The following DSCAM variants were observed in gnomAD, a reference collection of about 807,000 sequenced individuals.
DSCAM encodes cell adhesion molecule DSCAM.
A neutral mutation model predicts 217.7 loss-of-function variants in DSCAM; 47 were observed. The observed-to-expected ratio is 0.22, with a 90% CI of 0.17 to 0.28. The LOEUF (loss-of-function observed/expected upper bound fraction) is 0.28. Ranked by LOEUF, DSCAM falls within the 10% of genes least tolerant of loss-of-function variation. DSCAM has a pLI of 1.00. For synonymous variants in DSCAM, 1,056 were observed against 1,015.3 expected (o/e 1.04, Z -0.76); for missense variants, 2,080 against 2,618.3 (o/e 0.79, Z 4.49).
At chr21:40,073,030 A>G (rs1438724124) in intron 27 of DSCAM, among the ~76,000 whole-genome samples, 1 of 152,210 alleles carries the variant, frequency 6.6e-6, no homozygotes, top group Admixed American at 6.5e-5. Flanking sequence ...TTAAATTACA[A>G]GGAACTACTA....
At chr21:40,623,857 C>A (rs1480855682) in intron 3 of DSCAM, among the ~76,000 whole-genome samples, 1 of 152,192 alleles carries the variant, frequency 6.6e-6, no homozygotes, top group Non-Finnish European at 1.5e-5. Flanking sequence ...TCACTGGGAA[C>A]TGGATGCTGT....
intron 1 of DSCAM, among the ~76,000 whole-genome samples, chr21:40,733,056 C>T (rs1302209137): frequency 6.6e-6 from 1 of 152,218 alleles, no homozygotes; most frequent in East Asian, 1.9e-4. Flanking sequence ...TCATTACCTT[C>T]CTGACCTATA....
At chr21:40,801,886 AG>A (rs897974425) in intron 1 of DSCAM, among the ~76,000 whole-genome samples, 3 of 151,688 alleles carry the variant, frequency 2.0e-5, no homozygotes, top group African/African-American at 4.9e-5. Flanking sequence ...GACTTGTCAC[AG>A]GGGGGGTTGC....
At chr21:40,341,871 TTATG>T (rs992132022) in intron 6 of DSCAM, among the ~76,000 whole-genome samples, 3 of 151,000 alleles carry the variant, frequency 2.0e-5, no homozygotes, top group African/African-American at 7.2e-5. Flanking sequence ...CACCCATTAT[TTATG>T]TTTCATGTCA....
chr21:40,691,224 T>C (rs1334866228), intron 3 of DSCAM, among the ~76,000 whole-genome samples: 2 of 152,186 alleles, frequency 1.3e-5, no homozygotes, highest in Non-Finnish European at 2.9e-5. Context: ...TGAACAGAGA[T>C]AACATGTGTC....
intron 2 of DSCAM, among the ~76,000 whole-genome samples, chr21:40,694,868 T>C (rs1214786491): frequency 1.3e-5 from 2 of 151,844 alleles, no homozygotes; most frequent in Non-Finnish European, 2.9e-5. Flanking sequence ...AAAAAGACTA[T>C]GAAGATATAG....
chr21:40,497,010 G>A (rs2076123966), intron 3 of DSCAM, among the ~76,000 whole-genome samples: 1 of 152,124 alleles, frequency 6.6e-6, no homozygotes, highest in African/African-American at 2.4e-5. Context: ...GTGAGGATGT[G>A]TATCAAAGAG....
At chr21:40,322,808 A>C (rs772291281) in intron 8 of DSCAM, among the ~76,000 whole-genome samples, 3 of 152,212 alleles carry the variant, frequency 2.0e-5, no homozygotes, top group Non-Finnish European at 4.4e-5. Flanking sequence ...TACAGGCGTG[A>C]GCCACCACGC....
intron 3 of DSCAM, among the ~76,000 whole-genome samples, chr21:40,638,171 G>C (rs763153869): frequency 1.2e-4 from 18 of 152,242 alleles, no homozygotes; most frequent in Middle Eastern, 3.4e-3. Context: ...TCTTTGATTT[G>C]TAATAAACAG....
chr21:40,084,595 C>G (rs1273225543), intron 23 of DSCAM, among the ~76,000 whole-genome samples: 1 of 149,776 alleles, frequency 6.7e-6, no homozygotes, highest in Non-Finnish European at 1.5e-5. Flanking sequence ...AGAATATGAA[C>G]TGGTCTCTCT....
intron 1 of DSCAM, among the ~76,000 whole-genome samples, chr21:40,757,013 A>ATTTTAT (rs1004339574): frequency 6.7e-6 from 1 of 150,170 alleles, no homozygotes; most frequent in Non-Finnish European, 1.5e-5. Context: ...ATGTGTGTGT[A>ATTTTAT]TTTTATTTTT....
At chr21:40,469,852 G>A (rs2075873914) in intron 3 of DSCAM, among the ~76,000 whole-genome samples, 1 of 152,156 alleles carries the variant, frequency 6.6e-6, no homozygotes, top group South Asian at 2.1e-4. Context: ...AAAATTATTT[G>A]CATGTAGTGT....
At chr21:40,484,117 C>T (rs528572756) in intron 3 of DSCAM, among the ~76,000 whole-genome samples, 304 of 152,216 alleles carry the variant, frequency 2.0e-3, no homozygotes, top group Non-Finnish European at 3.0e-3. Context: ...ATCTAATCTT[C>T]AGCAGGTTCC....
chr21:40,176,164 C>A (rs1048106902), intron 15 of DSCAM, among the ~76,000 whole-genome samples: 2 of 152,050 alleles, frequency 1.3e-5, no homozygotes, highest in Non-Finnish European at 2.9e-5. Context: ...TTGAACTTGA[C>A]TTTTCAAGGA....
chr21:40,137,172 C>G (rs1356961029), intron 18 of DSCAM, among the ~76,000 whole-genome samples: 1 of 98,364 alleles, frequency 1.0e-5, no homozygotes, highest in Non-Finnish European at 1.9e-5. Context: ...GAGACTCTGT[C>G]TCAAGGAAAA....
rs1555911087 is a variant in DSCAM at position 40,376,547 on chromosome 21, T to TATATAGATATCTATATATCTTATATAG, written c.509-7303_509-7302insCTATATAAGATATATAGATATCTATAT. 9.8e-5 allele frequency among the ~76,000 whole-genome samples: 8 copies of TATATAGATATCTATATATCTTATATAG among 81,492 alleles called. 1 individual carries two copies. Among genetic ancestry groups the TATATAGATATCTATATATCTTATATAG allele is most frequent in the African/African-American group, 4.7e-4 (8 of 17,150 alleles). 53.5% of individuals were successfully genotyped at this position (81,492 alleles called of 152,430 possible). A position where few individuals can be genotyped will look rare whatever the true frequency, so the allele number is the denominator to read the frequency against. ...ATCTTATATAGATATCGATATATCTTATATCGATATCTATATATCTTATAT... is the reference window on the plus strand; with the variant it reads ...ATCTTATATAGATATCGATATATCTTATATAGATATCTATATATCTTATATAGATATCGATATCTATATATCTTATAT... On this transcript the variant is annotated intron_variant, in intron 3 of 32. Transcript: ENST00000400454.
intron 3 of DSCAM, among the ~76,000 whole-genome samples, chr21:40,522,036 C>T (rs1019876490): frequency 2.6e-5 from 4 of 151,972 alleles, no homozygotes; most frequent in Admixed American, 6.6e-5. Context: ...TAGGACAGTT[C>T]GCCACTCCCT....
At chr21:40,057,238 T>C (rs1404070428) in intron 28 of DSCAM, among the ~76,000 whole-genome samples, 2 of 152,248 alleles carry the variant, frequency 1.3e-5, no homozygotes, top group African/African-American at 4.8e-5. Context: ...TCCTGACTTT[T>C]CACATGGTCT....
chr21:40,670,901 A>G (rs910224507), intron 3 of DSCAM, among the ~76,000 whole-genome samples: 1 of 152,260 alleles, frequency 6.6e-6, no homozygotes, highest in African/African-American at 2.4e-5. Context: ...CAACTCAAAC[A>G]AACAGAAGAC....
Sources: allele counts gnomAD v4.1 joint callset (sites outside exome capture counted in the v4.1 genomes callset), GRCh38; gene constraint gnomAD v4.1.1; transcripts MANE v1.5; gene names NCBI Gene and HGNC (gene_info 2026-07-23, HGNC 2026-07-21).